The following ALK variants were observed in gnomAD, a reference collection of about 807,000 sequenced individuals.
ALK encodes ALK receptor tyrosine kinase.
In ALK, 74 loss-of-function variants were observed where a neutral mutation model predicts 163.1. The ratio of observed to expected loss-of-function variants is 0.45; its 90% CI spans 0.38 to 0.55. ALK has a LOEUF of 0.55. Ranked by LOEUF, ALK falls within the 20% of genes least tolerant of loss-of-function variation. The pLI is 0.00. For missense variants in ALK, 2,063 were observed against 2,105.3 expected, an observed-to-expected ratio of 0.98 and a Z score of 0.39; for synonymous variants, 960 against 843.2, an observed-to-expected ratio of 1.14 and a Z score of -2.40.
At chr2:29,616,367 A>G (rs190978735) in intron 3 of ALK, among the ~76,000 whole-genome samples, 1 of 152,350 alleles carries the variant, frequency 6.6e-6, no homozygotes, top group African/African-American at 2.4e-5. Flanking sequence ...CGTGTTTGCT[A>G]AAACAAACCC....
At chr2:29,759,560 T>C (rs751613023) in intron 1 of ALK, among the ~76,000 whole-genome samples, 1 of 152,210 alleles carries the variant, frequency 6.6e-6, no homozygotes, top group Non-Finnish European at 1.5e-5. Context: ...TTCTGGGAAA[T>C]TTCCAATGTC....
chr2:29,674,275 A>T (rs1307151620), intron 3 of ALK, among the ~76,000 whole-genome samples: 1 of 151,548 alleles, frequency 6.6e-6, no homozygotes, highest in Admixed American at 6.6e-5. Context: ...GAATGCTTCC[A>T]GTTTTTGCCC....
chr2:29,802,713 A>G (rs961918643), intron 1 of ALK, among the ~76,000 whole-genome samples: 1 of 151,668 alleles, frequency 6.6e-6, no homozygotes, highest in Non-Finnish European at 1.5e-5. Context: ...TGATTTTTAG[A>G]TCACTGTTCT....
intron 3 of ALK, among the ~76,000 whole-genome samples, chr2:29,636,219 A>G (rs1257827788): frequency 6.6e-6 from 1 of 152,162 alleles, no homozygotes; most frequent in African/African-American, 2.4e-5. Context: ...GACACATACA[A>G]ATATGCCCAT....
At chr2:29,405,879 A>G (rs968158373) in intron 4 of ALK, among the ~76,000 whole-genome samples, 2 of 152,172 alleles carry the variant, frequency 1.3e-5, no homozygotes, top group Admixed American at 6.5e-5. Flanking sequence ...GCTCACATGA[A>G]TGGATTTCGG....
intron 1 of ALK, among the ~76,000 whole-genome samples, chr2:29,768,316 A>G (rs748268398): frequency 1.3e-5 from 2 of 152,226 alleles, no homozygotes; most frequent in Non-Finnish European, 2.9e-5. Context: ...TAATTAAACA[A>G]CTTCAGGGAG....
At chr2:29,734,772 CTT>C (rs1432733087) in intron 1 of ALK, among the ~76,000 whole-genome samples, 2 of 151,826 alleles carry the variant, frequency 1.3e-5, no homozygotes, top group Non-Finnish European at 2.9e-5. Flanking sequence ...CTACTTTTCA[CTT>C]ATTGAATTAG....
intron 25 of ALK, among the ~76,000 whole-genome samples, 159 bp from the exon 26 acceptor site, chr2:29,207,431 A>G (rs997623241): frequency 6.6e-6 from 1 of 152,224 alleles, no homozygotes; most frequent in African/African-American, 2.4e-5. Flanking sequence ...GCAGGGGCAC[A>G]CAGATCATTT....
intron 1 of ALK, among the ~76,000 whole-genome samples, chr2:29,758,497 C>T (rs571381048): frequency 6.6e-6 from 1 of 152,316 alleles, no homozygotes; most frequent in South Asian, 2.1e-4. Flanking sequence ...CAGGGTTTCA[C>T]TGCCCATGGG....
intron 3 of ALK, among the ~76,000 whole-genome samples, chr2:29,559,402 G>A (rs1573455575): frequency 1.3e-5 from 2 of 152,350 alleles, no homozygotes; most frequent in Admixed American, 1.3e-4. Context: ...CAGCAGAGGC[G>A]TATGGGCTGA....
At chr2:29,837,980 A>G (rs1376354707) in intron 1 of ALK, among the ~76,000 whole-genome samples, 7 of 152,186 alleles carry the variant, frequency 4.6e-5, no homozygotes, top group African/African-American at 1.7e-4. Flanking sequence ...TTTAATAAAG[A>G]AACAAAGAAA....
intron 4 of ALK, among the ~76,000 whole-genome samples, chr2:29,433,666 A>G (rs890933745): frequency 2.0e-5 from 3 of 152,192 alleles, no homozygotes; most frequent in Non-Finnish European, 4.4e-5. Flanking sequence ...CTGTGTTCCA[A>G]TAAAATTTAC....
intron 1 of ALK, among the ~76,000 whole-genome samples, chr2:29,856,187 T>C (rs567485901): frequency 6.6e-6 from 1 of 152,296 alleles, no homozygotes; most frequent in South Asian, 2.1e-4. Flanking sequence ...GGGGTTGAAT[T>C]TTAGCTCTCT....
intron 1 of ALK, among the ~76,000 whole-genome samples, chr2:29,801,003 C>T (rs1166966304): frequency 6.6e-6 from 1 of 152,150 alleles, no homozygotes; most frequent in Non-Finnish European, 1.5e-5. Context: ...GTCCTACTCA[C>T]TGTGAGGGGC....
chr2:29,500,897 C>A (rs114491275), intron 4 of ALK, among the ~76,000 whole-genome samples: 1 of 152,190 alleles, frequency 6.6e-6, no homozygotes, highest in African/African-American at 2.4e-5. Context: ...TTGCTCCCTA[C>A]CACATTGACA....
chr2:29,914,868 C>T (rs1667790936), intron 1 of ALK, among the ~76,000 whole-genome samples: 1 of 152,152 alleles, frequency 6.6e-6, no homozygotes, highest in Admixed American at 6.5e-5. Flanking sequence ...AACTGTGGTT[C>T]TAGTCAGTAT....
In ALK at chr2:29,225,474, G is replaced by A. The variant is rs369764867; in HGVS notation, c.3159C>T (p.Ser1053=). The A allele has an allele frequency of 1.1e-5, 18 of 1,612,792 alleles. No homozygotes were observed. The highest frequency in any genetic ancestry group is 2.2e-5 in the South Asian group (2 of 90,498). ...ALVAALVLAF[S]GIMIVYRRKH... Reference sequence around the variant, plus strand: ...CTGTGCACTCACCAATCATGATGCCGGAGAAAGCCAGGACCAGGGCGGCCA... The same window carrying A: ...CTGTGCACTCACCAATCATGATGCCAGAGAAAGCCAGGACCAGGGCGGCCA... The change falls in exon 19 of 29, where the codon TCC becomes TCT. Residue 1053 remains serine (S), a synonymous_variant. Transcript: ENST00000389048.
intron 5 of ALK, among the ~76,000 whole-genome samples, chr2:29,382,240 G>A (rs1489524175): frequency 4.6e-5 from 7 of 152,180 alleles, no homozygotes; most frequent in Admixed American, 4.6e-4. Flanking sequence ...GAAAAAATTA[G>A]AGAGATTTTA....
At chr2:29,220,541 C>T (rs971511635) in intron 23 of ALK, among the ~76,000 whole-genome samples, 165 bp downstream of exon 23, 1 of 152,218 alleles carries the variant, frequency 6.6e-6, no homozygotes, top group Non-Finnish European at 1.5e-5. Flanking sequence ...CCTCTATCTT[C>T]TGTCCATTCT....
Sources: allele counts gnomAD v4.1 joint callset (sites outside exome capture counted in the v4.1 genomes callset), GRCh38; gene constraint gnomAD v4.1.1; transcripts MANE v1.5; gene names NCBI Gene and HGNC (gene_info 2026-07-23, HGNC 2026-07-21).